The following ATG16L1 variants were observed in gnomAD, a reference collection of about 807,000 sequenced individuals.
ATG16L1 encodes the protein autophagy related 16 like 1.
In ATG16L1, 37 loss-of-function variants were observed where a neutral mutation model predicts 88.5. The observed-to-expected ratio is 0.42, with a 90% CI of 0.32 to 0.55. The LOEUF (loss-of-function observed/expected upper bound fraction) is 0.55, where lower values mean the gene tolerates loss of function less well. Ranked by LOEUF, ATG16L1 falls within the 20% of genes least tolerant of loss-of-function variation. The probability of loss-of-function intolerance (pLI) is 0.13; values close to 1 mark genes in which losing one functional copy is unlikely to be tolerated. For missense variants in ATG16L1, 554 were observed against 752.8 expected, an observed-to-expected ratio of 0.74 and a Z score of 3.09; for synonymous variants, 301 against 281.0, an observed-to-expected ratio of 1.07 and a Z score of -0.71.
Position 233,271,826 on chromosome 2 carries a change from G to A in ATG16L1, c.708-1140G>A, listed in dbSNP as rs1018164649. Among the ~76,000 whole-genome samples, 5 of 152,160 alleles carry A rather than the reference G, an allele frequency of 3.3e-5. No homozygotes were observed. In the South Asian group the frequency reaches 8.3e-4, roughly 25 times the overall value. On this transcript the variant is annotated intron_variant, in intron 6 of 17. Transcript: ENST00000392017. ...CCTTGTATGGGCACAGGTGACTCTC[G>A]CAAACCTAGATCCCTGGGAAAGCCA...
At chr2:233,270,318 C>T (rs978437691) in intron 6 of ATG16L1, among the ~76,000 whole-genome samples, 15 of 152,128 alleles carry the variant, frequency 9.9e-5, no homozygotes, top group African/African-American at 3.4e-4. Context: ...TCAGAACTAA[C>T]ATCCATATAT....
intron 4 of ATG16L1, 106 bp downstream of exon 4, chr2:233,264,171 A>G: frequency 2.8e-6 from 3 of 1,083,398 alleles, no homozygotes; most frequent in South Asian, 1.3e-5. Flanking sequence ...GCCACAGTGC[A>G]CTTAGCGAGA....
intron 1 of ATG16L1, among the ~76,000 whole-genome samples, chr2:233,252,526 A>G (rs2125186097): frequency 6.6e-6 from 1 of 152,002 alleles, no homozygotes; most frequent in South Asian, 2.1e-4. Context: ...GGGATTACAG[A>G]CGCGCTTCAC....
chr2:233,288,726 T>A, intron 12 of ATG16L1: 3 of 516,762 alleles, frequency 5.8e-6, no homozygotes, highest in South Asian at 4.2e-5. Context: ...CCTCCCGGCA[T>A]CCCAGTTATC....
intron 14 of ATG16L1, 141 bp from the exon 15 acceptor site, chr2:233,291,987 A>T: frequency 1.1e-6 from 1 of 924,734 alleles, no homozygotes; most frequent in East Asian, 2.5e-5. Flanking sequence ...GTCACAGGTT[A>T]TTAGAAGACT....
chr2:233,292,809 G>T (rs1326984902), intron 16 of ATG16L1, among the ~76,000 whole-genome samples: 1 of 152,210 alleles, frequency 6.6e-6, no homozygotes. Flanking sequence ...GTGTGCAGGT[G>T]GTCTGCAGTT....
At chr2:233,257,809 A>C (rs1355128364) in intron 2 of ATG16L1, among the ~76,000 whole-genome samples, 1 of 152,100 alleles carries the variant, frequency 6.6e-6, no homozygotes, top group Non-Finnish European at 1.5e-5. Flanking sequence ...GTTCAAGACC[A>C]GCCTGGCCCT....
chr2:233,273,898 T>C (rs1698156842), intron 8 of ATG16L1, 121 bp downstream of exon 8: 3 of 1,510,288 alleles, frequency 2.0e-6, no homozygotes, highest in Middle Eastern at 3.4e-4. Flanking sequence ...ACATATGCCT[T>C]AATATCAGCT....
intron 10 of ATG16L1, among the ~76,000 whole-genome samples, chr2:233,279,353 C>G (rs530945953): frequency 2.3e-4 from 20 of 88,362 alleles, no homozygotes; most frequent in African/African-American, 6.3e-4. Flanking sequence ...TTCTAGTAAC[C>G]TTTTTGCGGC....
chr2:233,256,287 G>A, intron 2 of ATG16L1, 92 bp downstream of exon 2: 2 of 1,090,682 alleles, frequency 1.8e-6, no homozygotes, highest in Non-Finnish European at 2.7e-6. Flanking sequence ...AGCAAATCAA[G>A]TACTATTTCT....
At chr2:233,276,289 C>T (rs1698365401) in intron 9 of ATG16L1, among the ~76,000 whole-genome samples, 1 of 152,118 alleles carries the variant, frequency 6.6e-6, no homozygotes, top group Admixed American at 6.5e-5. Flanking sequence ...TATTGATAGT[C>T]TATGTTTTCT....
intron 6 of ATG16L1, among the ~76,000 whole-genome samples, chr2:233,271,210 C>T (rs1368802497): frequency 2.0e-5 from 3 of 152,170 alleles, no homozygotes; most frequent in African/African-American, 7.2e-5. Context: ...GCATCCTGCC[C>T]AAGATCATAC....
chr2:233,275,964 G>A (rs1698335363), intron 9 of ATG16L1: 1 of 519,070 alleles, frequency 1.9e-6, no homozygotes. Context: ...GCAGTCATGG[G>A]TGTGATGGTG....
chr2:233,274,830 C>A, intron 9 of ATG16L1, 52 bp downstream of exon 9: 1 of 1,381,304 alleles, frequency 7.2e-7, no homozygotes, highest in Non-Finnish European at 1.0e-6. Flanking sequence ...GTGACAGAGC[C>A]TGGCAATTAA....
intron 8 of ATG16L1, 129 bp downstream of exon 8, chr2:233,273,906 G>A: frequency 6.6e-7 from 1 of 1,518,354 alleles, no homozygotes; most frequent in South Asian, 1.2e-5. Context: ...CTTAATATCA[G>A]CTTTTCATTT....
intron 9 of ATG16L1, chr2:233,275,758 C>T: frequency 1.9e-6 from 1 of 519,264 alleles, no homozygotes; most frequent in Non-Finnish European, 3.8e-6. Flanking sequence ...GGTCTGATTG[C>T]ACTGAATGTC....
chr2:233,255,696 G>A (rs766937033), intron 1 of ATG16L1, among the ~76,000 whole-genome samples: 18 of 152,140 alleles, frequency 1.2e-4, no homozygotes, highest in Non-Finnish European at 2.1e-4. Context: ...TGAGTACAGA[G>A]TGTATTCTCT....
At chr2:233,270,197 C>T in intron 6 of ATG16L1, 130 bp downstream of exon 6, 2 of 657,454 alleles carry the variant, frequency 3.0e-6, no homozygotes, top group South Asian at 2.9e-5. Context: ...GGCTGGAGTG[C>T]AGTGGTGTGA....
chr2:233,271,266 GTTATTTTATTTTGTATT>G (rs1697968275), intron 6 of ATG16L1, among the ~76,000 whole-genome samples: 1 of 152,112 alleles, frequency 6.6e-6, no homozygotes, highest in Non-Finnish European at 1.5e-5. Context: ...GTAAAAGCCT[GTTATTTTATTTTGTATT>G]TTATTTTATT....
Sources: allele counts gnomAD v4.1 joint callset (sites outside exome capture counted in the v4.1 genomes callset), GRCh38; gene constraint gnomAD v4.1.1; transcripts MANE v1.5; gene names NCBI Gene and HGNC (gene_info 2026-07-23, HGNC 2026-07-21).